The following TMEM132D variants were observed in gnomAD, a reference collection of about 807,000 sequenced individuals.
TMEM132D encodes the protein mature OL transmembrane protein.
A neutral mutation model predicts 62.3 loss-of-function variants in TMEM132D; 21 were observed. The ratio of observed to expected loss-of-function variants is 0.34; its 90% CI spans 0.24 to 0.49. The LOEUF (loss-of-function observed/expected upper bound fraction) is 0.49. Among genes scored for constraint, TMEM132D ranks in the 20% least tolerant of loss-of-function variants. The pLI is 0.99. For missense variants in TMEM132D, 1,346 were observed against 1,402.8 expected, an observed-to-expected ratio of 0.96 and a Z score of 0.65; for synonymous variants, 621 against 575.6, an observed-to-expected ratio of 1.08 and a Z score of -1.13.
chr12:129,130,199 A>AC (rs1876333783), intron 5 of TMEM132D, among the ~76,000 whole-genome samples: 1 of 151,984 alleles, frequency 6.6e-6, no homozygotes, highest in Non-Finnish European at 1.5e-5. Flanking sequence ...GGAGGGTGAC[A>AC]CCCTGCAGGC....
At chr12:129,231,218 G>A (rs996596156) in intron 4 of TMEM132D, among the ~76,000 whole-genome samples, 3 of 152,198 alleles carry the variant, frequency 2.0e-5, no homozygotes, top group Admixed American at 6.5e-5. Flanking sequence ...AGACTCAAAC[G>A]TGTCCTTGAA....
In TMEM132D at chr12:129,318,731, T is replaced by G. The variant is rs181183755; in HGVS notation, c.1299+18903A>C. ...ACCAGGGTGGATAGGGAAGGACCAT[T>G]AGGTGGGGGCAGGGCTAGGCATGTC... On this transcript the variant is annotated intron_variant, in intron 4 of 8. Coordinates refer to ENST00000422113, the MANE Select transcript of TMEM132D (RefSeq NM_133448.3). 7.4e-4 allele frequency among the ~76,000 whole-genome samples: 112 copies of G among 152,090 alleles called. 1 individual carries two copies. The highest frequency in any genetic ancestry group is 3.4e-3 in the Middle Eastern group (1 of 292).
intron 1 of TMEM132D, among the ~76,000 whole-genome samples, chr12:129,806,631 C>T (rs1224967203): frequency 1.3e-5 from 2 of 151,086 alleles, no homozygotes; most frequent in Non-Finnish European, 2.9e-5. Context: ...CAGCATGGCA[C>T]ATGTATACAT....
At chr12:129,360,089 C>A (rs1870199286) in intron 3 of TMEM132D, among the ~76,000 whole-genome samples, 1 of 152,044 alleles carries the variant, frequency 6.6e-6, no homozygotes, top group African/African-American at 2.4e-5. Context: ...GAGTAAGGGA[C>A]AATTCTTCAT....
intron 3 of TMEM132D, among the ~76,000 whole-genome samples, chr12:129,516,492 G>T (rs143335294): frequency 2.0e-3 from 307 of 152,194 alleles, no homozygotes; most frequent in Non-Finnish European, 3.9e-3. Flanking sequence ...GTGGCAGACA[G>T]GAGAGAAAAT....
chr12:129,455,139 A>C (rs11835898), intron 3 of TMEM132D, among the ~76,000 whole-genome samples: 28,888 of 152,200 alleles, frequency 0.19, 2,865 homozygotes, highest in Middle Eastern at 0.24. Context: ...TAAGCATGCT[A>C]TTAGGTTCCA....
At chr12:129,421,308 AGACAAT>A (rs10562190) in intron 3 of TMEM132D, among the ~76,000 whole-genome samples, 107,019 of 151,806 alleles carry the variant, frequency 0.7, 37,797 homozygotes, top group East Asian at 0.76. Context: ...ATGTATCACA[AGACAAT>A]TGTATTCAGC....
intron 1 of TMEM132D, among the ~76,000 whole-genome samples, chr12:129,728,453 C>G (rs866408923): frequency 6.6e-6 from 1 of 152,158 alleles, no homozygotes; most frequent in Non-Finnish European, 1.5e-5. Flanking sequence ...ATTCTTTCTT[C>G]TAGAACAATC....
In TMEM132D at chr12:129,401,708, C is replaced by T. The variant is rs556713260; in HGVS notation, c.1116-63891G>A. 1.2e-3 allele frequency among the ~76,000 whole-genome samples: 184 copies of T among 152,294 alleles called. 1 individual carries two copies. The highest frequency in any genetic ancestry group is 4.0e-3 in the African/African-American group (168 of 41,570). ...GAAAGCACAGAGAGGTGAAGCTGCT[C>T]CTCCAAGGTCACAGAGATAATGAGC... On this transcript the variant is annotated intron_variant, in intron 3 of 8. Transcript: ENST00000422113.
In TMEM132D at chr12:129,374,907, A is replaced by C. The variant is rs866968649; in HGVS notation, c.1116-37090T>G. Among the ~76,000 whole-genome samples the C allele has an allele frequency of 2.6e-3, 396 of 152,188 alleles. 1 individual carries two copies. The highest frequency in any genetic ancestry group is 4.2e-3 in the Non-Finnish European group (283 of 67,956). ...AAGGTCACTCCTTGGAGAACAGCCC[A>C]CCCACAAGCCATGAGAGGTGAAATA... On this transcript the variant is annotated intron_variant, in intron 3 of 8. Coordinates refer to ENST00000422113, the MANE Select transcript of TMEM132D (RefSeq NM_133448.3).
chr12:129,817,925 A>T (rs1872406735), intron 1 of TMEM132D, among the ~76,000 whole-genome samples: 1 of 109,326 alleles, frequency 9.1e-6, no homozygotes, highest in Admixed American at 9.9e-5. Flanking sequence ...AGCTGTGTAT[A>T]TGTGGTTTGG....
At chr12:129,212,701 T>A (rs1167778881) in intron 4 of TMEM132D, 1 of 152,246 alleles carries the variant, frequency 6.6e-6, no homozygotes, top group Non-Finnish European at 1.5e-5. Context: ...ATCCTTATTG[T>A]CACTTCATAC....
At chr12:129,257,299 C>T (rs937987009) in intron 4 of TMEM132D, among the ~76,000 whole-genome samples, 4 of 151,270 alleles carry the variant, frequency 2.6e-5, no homozygotes, top group Non-Finnish European at 4.4e-5. Flanking sequence ...CTCTGCCTCC[C>T]GGGTTCACGC....
intron 4 of TMEM132D, among the ~76,000 whole-genome samples, chr12:129,294,911 T>G (rs1043448068): frequency 6.6e-6 from 1 of 152,196 alleles, no homozygotes; most frequent in Non-Finnish European, 1.5e-5. Context: ...CATTTCCTAT[T>G]GTGATGGTTC....
At chr12:129,463,812 T>A (rs1873774985) in intron 3 of TMEM132D, among the ~76,000 whole-genome samples, 1 of 152,126 alleles carries the variant, frequency 6.6e-6, no homozygotes, top group Admixed American at 6.5e-5. Flanking sequence ...ACTCATCATT[T>A]TTTATGGCTG....
At chr12:129,481,888 A>C (rs1874440248) in intron 3 of TMEM132D, among the ~76,000 whole-genome samples, 2 of 152,192 alleles carry the variant, frequency 1.3e-5, no homozygotes, top group Non-Finnish European at 2.9e-5. Context: ...CCACCTACAC[A>C]CATACACACA....
intron 1 of TMEM132D, among the ~76,000 whole-genome samples, chr12:129,719,096 A>AAAAGAAAAAAAAAAAAAAAAG (rs1868711708): frequency 6.9e-6 from 1 of 144,442 alleles, no homozygotes. Flanking sequence ...AAAAAAAAAA[A>AAAAGAAAAAAAAAAAAAAAAG]AAAGAAAAAA....
At chr12:129,860,224 A>T (rs1297677105) in intron 1 of TMEM132D, among the ~76,000 whole-genome samples, 1 of 152,230 alleles carries the variant, frequency 6.6e-6, no homozygotes, top group Non-Finnish European at 1.5e-5. Context: ...ACTTGGAAAT[A>T]AGGCAAAACG....
At chr12:129,408,887 C>T (rs989866631) in intron 3 of TMEM132D, among the ~76,000 whole-genome samples, 4 of 152,034 alleles carry the variant, frequency 2.6e-5, no homozygotes, top group Non-Finnish European at 4.4e-5. Flanking sequence ...GACTGGGACA[C>T]ATACAAAGAG....
Sources: allele counts gnomAD v4.1 joint callset (sites outside exome capture counted in the v4.1 genomes callset), GRCh38; gene constraint gnomAD v4.1.1; transcripts MANE v1.5; gene names NCBI Gene and HGNC (gene_info 2026-07-23, HGNC 2026-07-21).